Variants in DLGAP2 observed in about 807,000 individuals in gnomAD.
The protein encoded by DLGAP2 is disks large-associated protein 2.
A neutral mutation model predicts 100.3 loss-of-function variants in DLGAP2; 26 were observed. That is an observed-to-expected ratio of 0.26 (90% CI 0.19 to 0.36). The LOEUF (loss-of-function observed/expected upper bound fraction) is 0.36. Ranked by LOEUF, DLGAP2 falls within the 10% of genes least tolerant of loss-of-function variation. DLGAP2 has a pLI of 1.00. For synonymous variants in DLGAP2, 886 were observed against 630.1 expected, an observed-to-expected ratio of 1.41 and a Z score of -6.08; for missense variants, 1,858 against 1,453.2, an observed-to-expected ratio of 1.28 and a Z score of -4.53.
At chr8:1,310,916 T>C (rs913276162) in intron 3 of DLGAP2, among the ~76,000 whole-genome samples, 24 of 152,140 alleles carry the variant, frequency 1.6e-4, no homozygotes, top group African/African-American at 5.3e-4. Context: ...AGAAGAAAGC[T>C]ATCAGACAGA....
At chr8:908,612 G>A (rs1798425592) in intron 2 of DLGAP2, among the ~76,000 whole-genome samples, 1 of 152,128 alleles carries the variant, frequency 6.6e-6, no homozygotes, top group African/African-American at 2.4e-5. Context: ...CAATTAAGGG[G>A]AAAAAAGAAT....
chr8:1,367,885 AG>A (rs1802144084), intron 3 of DLGAP2, among the ~76,000 whole-genome samples: 1 of 152,212 alleles, frequency 6.6e-6, no homozygotes, highest in African/African-American at 2.4e-5. Flanking sequence ...GAGAGAGAAG[AG>A]GGGGCAGAGA....
chr8:1,483,620 G>T (rs1460809876), intron 3 of DLGAP2, among the ~76,000 whole-genome samples: 1 of 145,354 alleles, frequency 6.9e-6, no homozygotes, highest in Non-Finnish European at 1.5e-5. Context: ...CTGAACTGCT[G>T]TGCAGGAGGC....
intron 2 of DLGAP2, among the ~76,000 whole-genome samples, chr8:1,146,783 C>G (rs976928418): frequency 1.3e-5 from 2 of 152,238 alleles, no homozygotes; most frequent in Admixed American, 1.3e-4. Context: ...CCCCACTGTC[C>G]TGAAGTGCAG....
intron 3 of DLGAP2, among the ~76,000 whole-genome samples, chr8:1,344,100 CGTGGGT>C (rs1375482420): frequency 4.0e-5 from 6 of 149,626 alleles, no homozygotes; most frequent in Non-Finnish European, 5.9e-5. Context: ...GGGGCCCTGT[CGTGGGT>C]CCATGTATTC....
At chr8:1,059,442 T>A (rs1023687960) in intron 2 of DLGAP2, among the ~76,000 whole-genome samples, 1 of 152,048 alleles carries the variant, frequency 6.6e-6, no homozygotes, top group African/African-American at 2.4e-5. Context: ...CCTCAGTTTC[T>A]CCCTCCATGA....
intron 1 of DLGAP2, among the ~76,000 whole-genome samples, chr8:796,155 G>A (rs937546550): frequency 4.6e-5 from 7 of 151,966 alleles, no homozygotes; most frequent in South Asian, 2.1e-4. Flanking sequence ...TCCAGTGAGA[G>A]CAGGTGTCCA....
At chr8:1,169,357 C>T (rs907922634) in intron 2 of DLGAP2, among the ~76,000 whole-genome samples, 14 of 152,072 alleles carry the variant, frequency 9.2e-5, no homozygotes, top group African/African-American at 2.2e-4. Flanking sequence ...ATTGACTTGG[C>T]GATGCGGGCT....
At chr8:1,256,506 G>A (rs538188785) in intron 2 of DLGAP2, among the ~76,000 whole-genome samples, 1,441 of 140,514 alleles carry the variant, frequency 0.01, 22 homozygotes, top group African/African-American at 0.029. Flanking sequence ...TCTCCTGCCT[G>A]GGTGCTGTGT....
chr8:1,316,001 A>G (rs1800733729), intron 3 of DLGAP2, among the ~76,000 whole-genome samples: 1 of 138,326 alleles, frequency 7.2e-6, no homozygotes, highest in Admixed American at 7.6e-5. Context: ...GTGCGAGTGC[A>G]GCGTCTCTCC....
At chr8:1,261,996 C>T (rs1276952649) in intron 3 of DLGAP2, among the ~76,000 whole-genome samples, 1 of 152,210 alleles carries the variant, frequency 6.6e-6, no homozygotes, top group Non-Finnish European at 1.5e-5. Flanking sequence ...TTTAGCATCT[C>T]GCTTTCTTGT....
rs112572354 is a variant in DLGAP2, at chr8:1,452,849, C to T, written c.107-48517C>T. 3.2e-3 allele frequency among the ~76,000 whole-genome samples: 480 copies of T among 152,258 alleles called. 2 individuals are homozygous for T. Among genetic ancestry groups the T allele is most frequent in the African/African-American group, 0.011 (450 of 41,562 alleles). ...CCTATGAAACCAGATTGTCTCAGGA[C>T]GGTGCCCATTAAAGAGTCTCTGTTT... On this transcript the variant is annotated intron_variant, in intron 3 of 14. Coordinates refer to ENST00000637795, the MANE Select transcript of DLGAP2 (RefSeq NM_001346810.2).
chr8:1,476,736 G>A (rs73672727), intron 3 of DLGAP2, among the ~76,000 whole-genome samples: 3,934 of 149,220 alleles, frequency 0.026, 171 homozygotes, highest in African/African-American at 0.091. Context: ...CCACTAGCCC[G>A]TTCTGCAGAC....
intron 6 of DLGAP2, among the ~76,000 whole-genome samples, chr8:1,573,930 G>A (rs1461028142): frequency 6.6e-6 from 1 of 152,122 alleles, no homozygotes; most frequent in Non-Finnish European, 1.5e-5. Context: ...AGTCATAAGT[G>A]GCGTAGGTAA....
intron 12 of DLGAP2, among the ~76,000 whole-genome samples, chr8:1,689,519 C>G (rs147464687): frequency 6.6e-6 from 1 of 152,326 alleles, no homozygotes; most frequent in Non-Finnish European, 1.5e-5. Context: ...AGTCAGCTTC[C>G]CATGGCTTCC....
At chr8:1,140,734 G>T (rs952222327) in intron 2 of DLGAP2, among the ~76,000 whole-genome samples, 54 of 152,330 alleles carry the variant, frequency 3.5e-4, no homozygotes, top group African/African-American at 1.2e-3. Flanking sequence ...CACTTTGGGA[G>T]GCTGAGGTGG....
At chr8:830,270 AT>A (rs1414980841) in intron 1 of DLGAP2, among the ~76,000 whole-genome samples, 1 of 152,206 alleles carries the variant, frequency 6.6e-6, no homozygotes, top group Non-Finnish European at 1.5e-5. Flanking sequence ...TGGGGTATCC[AT>A]CCCCTCAAGC....
chr8:1,419,224 G>A (rs1300764441), intron 3 of DLGAP2, among the ~76,000 whole-genome samples: 1 of 146,894 alleles, frequency 6.8e-6, no homozygotes, highest in Non-Finnish European at 1.5e-5. Context: ...GTGTGTGTGT[G>A]TGTGTGTGTA....
intron 13 of DLGAP2, 104 bp downstream of exon 13, chr8:1,691,730 A>T: frequency 1.0e-6 from 1 of 1,000,062 alleles, no homozygotes; most frequent in African/African-American, 1.6e-5. Context: ...TCCCATCGGT[A>T]TGCGGAATAT....
Sources: gnomAD v4.1 joint callset for allele counts (sites outside exome capture counted in the v4.1 genomes callset) on GRCh38, gnomAD v4.1.1 for gene constraint, MANE v1.5 for transcripts, NCBI Gene and HGNC (gene_info 2026-07-23, HGNC 2026-07-21) for gene names.